The following SGCZ variants were observed in gnomAD, a reference collection of about 807,000 sequenced individuals.
SGCZ encodes zeta-sarcoglycan.
SGCZ carries 40 observed loss-of-function variants against 41.3 expected under a neutral mutation model. That is an observed-to-expected ratio of 0.97 (90% confidence interval 0.75 to 1.26). The LOEUF (loss-of-function observed/expected upper bound fraction) is 1.26. SGCZ is among the 50% of genes most tolerant of loss of function. The pLI, the probability that SGCZ is intolerant of heterozygous loss-of-function variation, is 0.00. For missense variants in SGCZ, 552 were observed against 369.8 expected (o/e 1.49, Z -4.04); for synonymous variants, 206 against 137.5 (o/e 1.50, Z -3.49).
At chr8:15,054,366 C>T (rs948069378) in intron 1 of SGCZ, among the ~76,000 whole-genome samples, 2 of 152,156 alleles carry the variant, frequency 1.3e-5, no homozygotes, top group African/African-American at 2.4e-5. Context: ...TCAGGCAGAA[C>T]GTAGCTTGGA....
intron 1 of SGCZ, among the ~76,000 whole-genome samples, chr8:15,176,002 CTT>C (rs1799990151): frequency 6.6e-6 from 1 of 152,124 alleles, no homozygotes. Flanking sequence ...AGAGTTTATA[CTT>C]ACTGTATTAT....
chr8:14,285,865 A>G (rs748481302), intron 3 of SGCZ, among the ~76,000 whole-genome samples: 10 of 152,138 alleles, frequency 6.6e-5, no homozygotes, highest in Non-Finnish European at 1.3e-4. Flanking sequence ...CTTACATATG[A>G]AATTCCTACC....
At chr8:14,099,412 G>A (rs987648800) in intron 7 of SGCZ, among the ~76,000 whole-genome samples, 3 of 151,976 alleles carry the variant, frequency 2.0e-5, no homozygotes, top group Non-Finnish European at 2.9e-5. Flanking sequence ...GTTGAAATCC[G>A]GCCCGGGACT....
intron 2 of SGCZ, among the ~76,000 whole-genome samples, chr8:14,471,728 C>T (rs1801217931): frequency 6.6e-6 from 1 of 152,018 alleles, no homozygotes; most frequent in African/African-American, 2.4e-5. Context: ...ATAATAATTT[C>T]CGTGCCCATT....
At chr8:14,258,614 T>A (rs182279245) in intron 3 of SGCZ, among the ~76,000 whole-genome samples, 2 of 152,182 alleles carry the variant, frequency 1.3e-5, no homozygotes, top group African/African-American at 4.8e-5. Context: ...TATCTATATA[T>A]TGTGATACTG....
chr8:14,355,695 C>G (rs73664318), intron 2 of SGCZ, among the ~76,000 whole-genome samples: 8,455 of 151,962 alleles, frequency 0.056, 694 homozygotes, highest in African/African-American at 0.18. Flanking sequence ...AGGTCATTAA[C>G]AAGTTTTTAA....
chr8:14,869,015 G>T (rs1390278892), intron 1 of SGCZ, among the ~76,000 whole-genome samples: 1 of 152,110 alleles, frequency 6.6e-6, no homozygotes, highest in Admixed American at 6.6e-5. Context: ...GAGGTACAAA[G>T]AGGAGCTGGT....
chr8:14,233,398 G>T (rs935610254), intron 4 of SGCZ, among the ~76,000 whole-genome samples: 3 of 151,274 alleles, frequency 2.0e-5, no homozygotes, highest in Non-Finnish European at 4.4e-5. Flanking sequence ...TTTAAAAATA[G>T]TATGTTAAAT....
At chr8:14,239,014 A>G (rs1329519560) in intron 3 of SGCZ, among the ~76,000 whole-genome samples, 3 of 150,562 alleles carry the variant, frequency 2.0e-5, no homozygotes, top group Non-Finnish European at 4.4e-5. Context: ...CGACAGATTT[A>G]AAAGAAAAAA....
chr8:14,764,137 C>A (rs775231587), intron 1 of SGCZ, among the ~76,000 whole-genome samples: 1 of 152,064 alleles, frequency 6.6e-6, no homozygotes, highest in African/African-American at 2.4e-5. Context: ...GACAAAGGAG[C>A]CACTTCAAAG....
chr8:15,123,602 G>A (rs1807566694), intron 1 of SGCZ, among the ~76,000 whole-genome samples: 1 of 152,140 alleles, frequency 6.6e-6, no homozygotes, highest in African/African-American at 2.4e-5. Flanking sequence ...AAGAACCTGG[G>A]TGTCTTAATA....
At chr8:15,157,386 T>G (rs1328504683) in intron 1 of SGCZ, among the ~76,000 whole-genome samples, 1 of 151,258 alleles carries the variant, frequency 6.6e-6, no homozygotes, top group African/African-American at 2.4e-5. Flanking sequence ...GCCACTGTAC[T>G]CTAGGCTGGG....
chr8:14,873,210 G>C (rs1229379309), intron 1 of SGCZ, among the ~76,000 whole-genome samples: 1 of 152,150 alleles, frequency 6.6e-6, no homozygotes, highest in Non-Finnish European at 1.5e-5. Context: ...TTGGCTGGAA[G>C]ACTGAGATAA....
chr8:14,864,432 G>A (rs116598588), intron 1 of SGCZ, among the ~76,000 whole-genome samples: 1,604 of 152,092 alleles, frequency 0.011, 28 homozygotes, highest in African/African-American at 0.036. Flanking sequence ...AGTCAACTAC[G>A]ATGAAAGGCT....
intron 1 of SGCZ, among the ~76,000 whole-genome samples, chr8:14,845,709 G>C (rs114307529): frequency 0.03 from 4,556 of 152,164 alleles, 229 homozygotes; most frequent in African/African-American, 0.1. Context: ...TTCACAGAAA[G>C]GAATTAATGG....
chr8:15,115,053 G>T (rs900405571), intron 1 of SGCZ, among the ~76,000 whole-genome samples: 34 of 152,168 alleles, frequency 2.2e-4, no homozygotes, highest in African/African-American at 6.8e-4. Flanking sequence ...ATCTAAGAGT[G>T]TGGCAAGCTT....
chr8:15,100,044 A>G (rs1298669766), intron 1 of SGCZ, among the ~76,000 whole-genome samples: 2 of 152,182 alleles, frequency 1.3e-5, no homozygotes, highest in Non-Finnish European at 2.9e-5. Context: ...AACAGTAACA[A>G]AACAAAGATG....
intron 3 of SGCZ, among the ~76,000 whole-genome samples, chr8:14,256,515 A>T (rs1282204954): frequency 2.0e-5 from 3 of 151,874 alleles, no homozygotes; most frequent in South Asian, 2.1e-4. Context: ...TACATATATG[A>T]TATATAAATC....
At chr8:14,695,221 A>G in intron 1 of SGCZ, among the ~76,000 whole-genome samples, 1 of 152,198 alleles carries the variant, frequency 6.6e-6, no homozygotes, top group Non-Finnish European at 1.5e-5. Flanking sequence ...ATAATGATGT[A>G]TTGCCATCAC....
Sources: gnomAD v4.1 joint callset for allele counts (sites outside exome capture counted in the v4.1 genomes callset) on GRCh38, gnomAD v4.1.1 for gene constraint, MANE v1.5 for transcripts, NCBI Gene and HGNC (gene_info 2026-07-23, HGNC 2026-07-21) for gene names.